The following RBFOX1 variants were observed in gnomAD, a reference collection of about 807,000 sequenced individuals.
RBFOX1 encodes RNA binding protein fox-1 homolog 1.
A neutral mutation model predicts 57.7 loss-of-function variants in RBFOX1; 8 were observed. That is an observed-to-expected ratio of 0.14 (90% CI 0.08 to 0.25). The LOEUF is 0.25. RBFOX1 is among the 10% of genes least tolerant of loss of function. RBFOX1 has a pLI of 1.00. For missense variants in RBFOX1, 611 were observed against 548.5 expected, an observed-to-expected ratio of 1.11 and a Z score of -1.14; for synonymous variants, 326 against 222.4, an observed-to-expected ratio of 1.47 and a Z score of -4.15.
At chr16:6,765,584 T>C (rs893325243) in intron 3 of RBFOX1, among the ~76,000 whole-genome samples, 20 of 152,038 alleles carry the variant, frequency 1.3e-4, no homozygotes, top group African/African-American at 4.8e-4. Flanking sequence ...TGGAAAACAG[T>C]ACAGAGATTT....
intron 3 of RBFOX1, among the ~76,000 whole-genome samples, chr16:6,835,481 G>C (rs1287928606): frequency 2.0e-5 from 3 of 152,144 alleles, no homozygotes; most frequent in East Asian, 3.9e-4. Context: ...GGCCGGGTGT[G>C]GTGGTCACGC....
rs556934481 is a variant in RBFOX1, at chr16:5,813,318, A to G, written c.319-53985A>G. Among the ~76,000 whole-genome samples, 3 of 152,344 alleles carry G rather than the reference A, an allele frequency of 2.0e-5. No homozygotes were observed. In the East Asian group the frequency reaches 5.8e-4, roughly 29 times the overall value. On this transcript the variant is annotated intron_variant, in intron 3 of 19. Coordinates refer to the RBFOX1 transcript ENST00000641259. Reference sequence around the variant, plus strand: ...ATTCAGTGGTGTTAAATGCACCCACAACATTGTACAACCATTATGGTTCCA... The same window carrying G: ...ATTCAGTGGTGTTAAATGCACCCACGACATTGTACAACCATTATGGTTCCA...
intron 3 of RBFOX1, among the ~76,000 whole-genome samples, chr16:5,785,742 G>A (rs2054477792): frequency 6.6e-6 from 1 of 152,022 alleles, no homozygotes. Context: ...GTTCAGGTTG[G>A]TCTTGAACTC....
intron 3 of RBFOX1, among the ~76,000 whole-genome samples, chr16:6,802,071 C>T (rs1025544688): frequency 6.6e-6 from 1 of 151,832 alleles, no homozygotes; most frequent in Non-Finnish European, 1.5e-5. Flanking sequence ...TCTTCAGATC[C>T]CAGTAAAACT....
At chr16:6,812,939 C>G (rs534092031) in intron 3 of RBFOX1, among the ~76,000 whole-genome samples, 56 of 152,246 alleles carry the variant, frequency 3.7e-4, no homozygotes, top group Middle Eastern at 3.4e-3. Context: ...TCTTTGGAGA[C>G]TGGGAGAATA....
At chr16:5,860,408 G>A (rs912567046) in intron 3 of RBFOX1, among the ~76,000 whole-genome samples, 1 of 152,058 alleles carries the variant, frequency 6.6e-6, no homozygotes, top group African/African-American at 2.4e-5. Flanking sequence ...GGACTATAAG[G>A]TTTTCTGTTT....
chr16:6,884,743 C>A (rs1419469654), intron 3 of RBFOX1, among the ~76,000 whole-genome samples: 1 of 151,944 alleles, frequency 6.6e-6, no homozygotes, highest in African/African-American at 2.4e-5. Flanking sequence ...ACTAAAAATA[C>A]AAAAATTAGC....
intron 1 of RBFOX1, among the ~76,000 whole-genome samples, chr16:5,293,806 CG>C (rs752156258): frequency 3.1e-4 from 26 of 82,584 alleles, no homozygotes; most frequent in African/African-American, 8.5e-4. Flanking sequence ...TTTGGGGGGG[CG>C]GGGGGTGTTA....
chr16:7,054,981 A>G (rs1006566606), intron 4 of RBFOX1, among the ~76,000 whole-genome samples: 10 of 152,178 alleles, frequency 6.6e-5, no homozygotes, highest in African/African-American at 1.9e-4. Flanking sequence ...GGCGTATCCA[A>G]TACTTGGTGT....
At chr16:7,008,341 A>T (rs1192902621) in intron 3 of RBFOX1, among the ~76,000 whole-genome samples, 3 of 152,072 alleles carry the variant, frequency 2.0e-5, no homozygotes. Flanking sequence ...CAGGAGTTTG[A>T]GACCATTCTG....
chr16:6,648,358 G>A (rs2098550505), intron 2 of RBFOX1, among the ~76,000 whole-genome samples: 2 of 150,252 alleles, frequency 1.3e-5, no homozygotes, highest in African/African-American at 2.5e-5. Flanking sequence ...ATTTTAACTG[G>A]CTCCCAGGGG....
chr16:7,127,247 G>T (rs1276696086), intron 4 of RBFOX1, among the ~76,000 whole-genome samples: 1 of 152,114 alleles, frequency 6.6e-6, no homozygotes, highest in Non-Finnish European at 1.5e-5. Flanking sequence ...ATACTTTCCT[G>T]TATCCATGGT....
intron 3 of RBFOX1, among the ~76,000 whole-genome samples, chr16:5,822,570 C>T (rs749875804): frequency 1.3e-5 from 2 of 152,164 alleles, no homozygotes; most frequent in Admixed American, 6.5e-5. Flanking sequence ...ATATTGTGCA[C>T]TTAAAATTTT....
chr16:5,826,709 A>G (rs906420137), intron 3 of RBFOX1, among the ~76,000 whole-genome samples: 3 of 152,254 alleles, frequency 2.0e-5, no homozygotes, highest in African/African-American at 4.8e-5. Flanking sequence ...GTTATTTAAC[A>G]TATTAATTAA....
At chr16:7,490,436 A>G (rs547701398) in intron 4 of RBFOX1, among the ~76,000 whole-genome samples, 91 of 152,216 alleles carry the variant, frequency 6.0e-4, no homozygotes, top group African/African-American at 2.1e-3. Flanking sequence ...TTCTAGTTTC[A>G]CTGTTTATAG....
At chr16:7,317,023 G>T (rs2096456908) in intron 4 of RBFOX1, among the ~76,000 whole-genome samples, 1 of 151,428 alleles carries the variant, frequency 6.6e-6, no homozygotes. Flanking sequence ...TTAGGCAGGA[G>T]TTAAATGACC....
intron 3 of RBFOX1, among the ~76,000 whole-genome samples, chr16:6,964,142 C>G (rs544618017): frequency 9.1e-4 from 138 of 152,248 alleles, no homozygotes; most frequent in African/African-American, 3.1e-3. Flanking sequence ...CTCAGCCTCC[C>G]AAGTAGGTGA....
chr16:6,058,116 G>C (rs1410755874), intron 1 of RBFOX1, among the ~76,000 whole-genome samples: 2 of 152,136 alleles, frequency 1.3e-5, no homozygotes, highest in Non-Finnish European at 2.9e-5. Flanking sequence ...ATTTGAAGTA[G>C]AGTTTTTGAG....
chr16:7,244,207 C>A lies in RBFOX1; in HGVS notation c.27+192109C>A, dbSNP rs889598210. On this transcript the variant is annotated intron_variant, in intron 4 of 15. Coordinates refer to ENST00000550418, the MANE Select transcript of RBFOX1 (RefSeq NM_018723.4). The stretch of plus-strand genomic sequence containing the variant: ...CATTTATAATAATATATCTTTCATC[C>A]CTTCTTCAGAGTCTGTTCTAGGAAA... Among the ~76,000 whole-genome samples, 4 of 148,298 alleles carry A rather than the reference C, an allele frequency of 2.7e-5. No individual in the cohort carries two copies. The South Asian group carries it at 8.5e-4, about 32-fold the overall frequency.
Sources: allele counts gnomAD v4.1 joint callset (sites outside exome capture counted in the v4.1 genomes callset), GRCh38; gene constraint gnomAD v4.1.1; transcripts MANE v1.5; gene names NCBI Gene and HGNC (gene_info 2026-07-23, HGNC 2026-07-21).